RBFOX1: variants seen among roughly 807,000 people sequenced by gnomAD.
RBFOX1 encodes RNA binding protein fox-1 homolog 1.
A neutral mutation model predicts 57.7 loss-of-function variants in RBFOX1; 8 were observed. That is an observed-to-expected ratio of 0.14 (90% CI 0.08 to 0.25). The LOEUF is 0.25. Ranked by LOEUF, RBFOX1 falls within the 10% of genes least tolerant of loss-of-function variation. The pLI, the probability that RBFOX1 is intolerant of heterozygous loss-of-function variation, is 1.00. For synonymous variants in RBFOX1, 326 were observed against 222.4 expected (o/e 1.47, Z -4.15); for missense variants, 611 against 548.5 (o/e 1.11, Z -1.14).
chr16:7,591,767 C>A (rs1309869753), intron 7 of RBFOX1, among the ~76,000 whole-genome samples: 1 of 152,200 alleles, frequency 6.6e-6, no homozygotes, highest in Non-Finnish European at 1.5e-5. Flanking sequence ...AAGCCAAGCT[C>A]AGAATGTGCT....
chr16:6,661,920 G>A (rs951425537), intron 3 of RBFOX1, among the ~76,000 whole-genome samples: 4 of 147,284 alleles, frequency 2.7e-5, no homozygotes, highest in Admixed American at 1.3e-4. Flanking sequence ...TTAACATCAT[G>A]GGAGTTCTAC....
At chr16:7,574,909 G>A (rs998377011) in intron 5 of RBFOX1, among the ~76,000 whole-genome samples, 1 of 152,118 alleles carries the variant, frequency 6.6e-6, no homozygotes, top group African/African-American at 2.4e-5. Flanking sequence ...TGAAGTGGTG[G>A]AGGACGCATT....
At position 7,624,165 on chromosome 16, in the gene RBFOX1, T is replaced by C. The variant is rs530096321; in HGVS notation, c.677-6438T>C. On this transcript the variant is annotated intron_variant, in intron 10 of 15. Transcript: ENST00000550418. ...GACTAATGGCATCAGACGCCTACTA[T>C]GGAGGGACAAATGCAAAGTAAATAT... is the stretch of plus-strand genomic sequence containing the variant. 1.6e-4 allele frequency among the ~76,000 whole-genome samples: 25 copies of C among 152,308 alleles called. 2 individuals carry two copies. The South Asian group carries it at 4.6e-3, about 28-fold the overall frequency.
chr16:6,667,604 G>A lies in RBFOX1; in HGVS notation c.-16+12954G>A, dbSNP rs1362077249. Among the ~76,000 whole-genome samples, 4 of 152,250 alleles carry A rather than the reference G, an allele frequency of 2.6e-5. No individual in the cohort carries two copies. The South Asian group carries it at 8.3e-4, about 32-fold the overall frequency. On this transcript the variant is annotated intron_variant, in intron 3 of 15. Coordinates refer to ENST00000550418, the MANE Select transcript of RBFOX1 (RefSeq NM_018723.4). ...CACCTTGAATAACTGCAAGCTGGCT[G>A]GGCACGGTGGCTCATGCCTGGAATC... is the stretch of plus-strand genomic sequence containing the variant.
chr16:5,569,127 G>A lies in RBFOX1; in HGVS notation c.259-29775G>A, dbSNP rs113635568. Among the ~76,000 whole-genome samples the A allele has an allele frequency of 5.4e-3, 822 of 152,156 alleles. 2 individuals carry two copies. Among genetic ancestry groups the A allele is most frequent in the Non-Finnish European group, 9.0e-3 (609 of 68,006 alleles). The stretch of plus-strand genomic sequence containing the variant: ...GGTCTCCCAAAGTGCTGGGATTACA[G>A]GCGTGAGCCACCATGCCCGGCTGAC... On this transcript the variant is annotated intron_variant, in intron 2 of 2. Coordinates refer to the RBFOX1 transcript ENST00000585867.
intron 4 of RBFOX1, among the ~76,000 whole-genome samples, chr16:5,893,081 G>A (rs76361179): frequency 0.015 from 2,323 of 152,300 alleles, 23 homozygotes; most frequent in Non-Finnish European, 0.024. Flanking sequence ...AATCTCATGC[G>A]TCAGTATCAA....
intron 3 of RBFOX1, among the ~76,000 whole-genome samples, chr16:6,787,125 C>G (rs937045490): frequency 6.6e-6 from 1 of 152,102 alleles, no homozygotes; most frequent in African/African-American, 2.4e-5. Context: ...TTTCCTGCCC[C>G]AATTGAGTGC....
chr16:6,763,282 G>A (rs1334910956), intron 3 of RBFOX1, among the ~76,000 whole-genome samples: 1 of 152,132 alleles, frequency 6.6e-6, no homozygotes, highest in African/African-American at 2.4e-5. Context: ...CTGTTAGTGA[G>A]AAGCAAAGTC....
At chr16:6,146,885 G>C (rs905823925) in intron 1 of RBFOX1, among the ~76,000 whole-genome samples, 1 of 152,138 alleles carries the variant, frequency 6.6e-6, no homozygotes, top group Admixed American at 6.6e-5. Flanking sequence ...TATCTGAGAG[G>C]CATCAAGAAA....
intron 2 of RBFOX1, among the ~76,000 whole-genome samples, chr16:6,609,257 A>G (rs1206393212): frequency 6.6e-6 from 1 of 152,214 alleles, no homozygotes; most frequent in Non-Finnish European, 1.5e-5. Flanking sequence ...AAGATGTAGT[A>G]AAGTTCTTAG....
chr16:6,530,947 C>A (rs1030508524), intron 2 of RBFOX1, among the ~76,000 whole-genome samples: 1 of 152,094 alleles, frequency 6.6e-6, no homozygotes, highest in South Asian at 2.1e-4. Context: ...TTGGAAGATC[C>A]GGCTCCAGAA....
chr16:5,862,071 A>G (rs1411648115), intron 3 of RBFOX1, among the ~76,000 whole-genome samples: 1 of 152,132 alleles, frequency 6.6e-6, no homozygotes, highest in Admixed American at 6.5e-5. Flanking sequence ...AAACCTCCAC[A>G]TGTGTGTCAT....
chr16:6,686,915 G>C (rs2059515435), intron 3 of RBFOX1, among the ~76,000 whole-genome samples: 1 of 152,120 alleles, frequency 6.6e-6, no homozygotes, highest in Non-Finnish European at 1.5e-5. Context: ...ATTAATTTGT[G>C]TACCTGATTT....
intron 2 of RBFOX1, among the ~76,000 whole-genome samples, chr16:6,578,025 C>G (rs1367252942): frequency 6.6e-6 from 1 of 152,190 alleles, no homozygotes; most frequent in African/African-American, 2.4e-5. Context: ...GTGCTTATTT[C>G]ATTGAAGAGC....
At chr16:7,047,595 A>G (rs1025628855) in intron 3 of RBFOX1, among the ~76,000 whole-genome samples, 2 of 142,774 alleles carry the variant, frequency 1.4e-5, no homozygotes, top group Non-Finnish European at 1.5e-5. Flanking sequence ...AAATGTAGGA[A>G]GTTTTCAGCC....
chr16:7,257,060 T>C (rs1253240848), intron 4 of RBFOX1, among the ~76,000 whole-genome samples: 1 of 152,190 alleles, frequency 6.6e-6, no homozygotes, highest in Non-Finnish European at 1.5e-5. Flanking sequence ...TATAATTTCA[T>C]TTCCCGTGTG....
At chr16:7,134,637 G>A (rs542024066) in intron 4 of RBFOX1, among the ~76,000 whole-genome samples, 3 of 152,074 alleles carry the variant, frequency 2.0e-5, no homozygotes, top group Non-Finnish European at 2.9e-5. Flanking sequence ...GAAAATGATC[G>A]TTGAAGAAAA....
chr16:6,411,073 C>T (rs973351965), intron 2 of RBFOX1, among the ~76,000 whole-genome samples: 6 of 152,124 alleles, frequency 3.9e-5, no homozygotes, highest in Non-Finnish European at 8.8e-5. Context: ...TAGTATTATT[C>T]CCCTACTCTG....
chr16:6,608,325 G>A (rs1249733411), intron 2 of RBFOX1, among the ~76,000 whole-genome samples: 1 of 152,178 alleles, frequency 6.6e-6, no homozygotes, highest in Non-Finnish European at 1.5e-5. Context: ...CCTATCTTTT[G>A]AGCCAGAAAG....
Sources: allele counts gnomAD v4.1 joint callset (sites outside exome capture counted in the v4.1 genomes callset), GRCh38; gene constraint gnomAD v4.1.1; transcripts MANE v1.5; gene names NCBI Gene and HGNC (gene_info 2026-07-23, HGNC 2026-07-21).